The following EPB41L5 variants were observed in gnomAD, a reference collection of about 807,000 sequenced individuals.
The protein encoded by EPB41L5 is erythrocyte membrane protein band 4.1 like 5, also known as band 4.1-like protein 5.
In EPB41L5, 55 loss-of-function variants were observed where a neutral mutation model predicts 106.6. That is an observed-to-expected ratio of 0.52 (90% confidence interval 0.42 to 0.65). The LOEUF (loss-of-function observed/expected upper bound fraction) is 0.65, where lower values mean the gene tolerates loss of function less well. EPB41L5 is among the 30% of genes least tolerant of loss of function. The probability of loss-of-function intolerance (pLI) is 0.00; values close to 1 mark genes in which losing one functional copy is unlikely to be tolerated. For synonymous variants in EPB41L5, 297 were observed against 306.7 expected (o/e 0.97, Z 0.33); for missense variants, 871 against 882.1 (o/e 0.99, Z 0.16).
At chr2:120,027,668 A>T (rs1448569386) in intron 2 of EPB41L5, among the ~76,000 whole-genome samples, 1 of 152,144 alleles carries the variant, frequency 6.6e-6, no homozygotes, top group Non-Finnish European at 1.5e-5. Flanking sequence ...TCAGCCTCCC[A>T]AGTAGCTGGG....
At chr2:120,119,252 A>T (rs1363817914) in intron 16 of EPB41L5, among the ~76,000 whole-genome samples, 1 of 152,028 alleles carries the variant, frequency 6.6e-6, no homozygotes, top group Admixed American at 6.6e-5. Flanking sequence ...ATATTGCAAA[A>T]ATCTTCTCCC....
At chr2:120,169,720 AGAT>A (rs1323233320) in intron 24 of EPB41L5, among the ~76,000 whole-genome samples, 3 of 152,210 alleles carry the variant, frequency 2.0e-5, no homozygotes, top group Admixed American at 2.0e-4. Context: ...AGTAAGCTAA[AGAT>A]GATAGCATAA....
At chr2:120,105,931 C>G (rs1025224847) in intron 16 of EPB41L5, 2 of 985,082 alleles carry the variant, frequency 2.0e-6, no homozygotes, top group Admixed American at 6.2e-5. Flanking sequence ...AGTACTGTTT[C>G]TATAGTAAAA....
chr2:120,170,976 G>T (rs1486705228), intron 24 of EPB41L5, among the ~76,000 whole-genome samples: 1 of 152,196 alleles, frequency 6.6e-6, no homozygotes, highest in African/African-American at 2.4e-5. Context: ...GTAAACTCAT[G>T]CCTTATGTGC....
intron 3 of EPB41L5, among the ~76,000 whole-genome samples, chr2:120,054,786 T>G (rs1279798508): frequency 1.3e-5 from 2 of 152,082 alleles, no homozygotes; most frequent in Admixed American, 6.6e-5. Flanking sequence ...TTGTTGGAAA[T>G]CTATTTACTA....
intron 16 of EPB41L5, chr2:120,106,947 C>T: frequency 1.1e-6 from 1 of 915,596 alleles, no homozygotes; most frequent in Middle Eastern, 5.6e-4. Context: ...TTTTGAAAAG[C>T]ACCTAGTATA....
intron 20 of EPB41L5, among the ~76,000 whole-genome samples, chr2:120,147,647 GGAAA>G (rs903133901): frequency 7.6e-6 from 1 of 132,208 alleles, no homozygotes; most frequent in African/African-American, 2.7e-5. Context: ...AAAAAAAAAA[GGAAA>G]GAAAATTCTG....
intron 3 of EPB41L5, among the ~76,000 whole-genome samples, chr2:120,055,630 T>A (rs1280575548): frequency 6.6e-6 from 1 of 151,808 alleles, no homozygotes; most frequent in African/African-American, 2.4e-5. Flanking sequence ...TTTAATTTTT[T>A]AAAACAATGT....
At chr2:120,051,330 T>G (rs985473949) in intron 3 of EPB41L5, among the ~76,000 whole-genome samples, 1 of 152,178 alleles carries the variant, frequency 6.6e-6, no homozygotes, top group Non-Finnish European at 1.5e-5. Context: ...GCAGCTTTGT[T>G]TACCTACTCA....
chr2:120,095,498 T>C (rs962566674), intron 14 of EPB41L5, among the ~76,000 whole-genome samples: 8 of 151,826 alleles, frequency 5.3e-5, no homozygotes, highest in Non-Finnish European at 8.8e-5. Context: ...CTTCTCTTTA[T>C]ACTTTTTTTT....
chr2:120,075,532 T>G lies in EPB41L5; in HGVS notation c.452+12T>G. The G allele has an allele frequency of 6.5e-7, 1 of 1,536,734 alleles. No homozygotes were observed. The highest frequency in any genetic ancestry group is 1.1e-5 in the South Asian group (1 of 88,020). ...ATTCTCAGTGGAAAGTGAGTATTAG[T>G]TATTTAAGGATAAATGCACATTTTC... On this transcript the variant is annotated intron_variant, in intron 6 of 24. Transcript: ENST00000263713.
At chr2:120,104,884 T>G (rs760842553) in intron 16 of EPB41L5, 2 of 976,958 alleles carry the variant, frequency 2.0e-6, no homozygotes, top group Non-Finnish European at 2.4e-6. Context: ...ATGGTTAGTT[T>G]TGAATGGTTA....
intron 2 of EPB41L5, among the ~76,000 whole-genome samples, chr2:120,036,942 C>T (rs1679076550): frequency 6.6e-6 from 1 of 152,048 alleles, no homozygotes; most frequent in Admixed American, 6.6e-5. Context: ...AAGGTATCTG[C>T]TGTTGCCACT....
At chr2:120,128,292 T>A (rs987104763) in intron 17 of EPB41L5, among the ~76,000 whole-genome samples, 2 of 95,000 alleles carry the variant, frequency 2.1e-5, no homozygotes, top group Admixed American at 1.0e-4. Flanking sequence ...CACACACACA[T>A]TTTTGAAGGT....
chr2:120,116,725 C>T (rs1684962810), intron 16 of EPB41L5, among the ~76,000 whole-genome samples: 1 of 151,854 alleles, frequency 6.6e-6, no homozygotes, highest in Non-Finnish European at 1.5e-5. Context: ...GATACAGTCT[C>T]CTCTGTTGCT....
chr2:120,069,073 A>ATCAC (rs916724037), intron 3 of EPB41L5, among the ~76,000 whole-genome samples: 1 of 144,896 alleles, frequency 6.9e-6, no homozygotes, highest in African/African-American at 2.6e-5. Context: ...GACTGAGGTG[A>ATCAC]GCCAAGATCA....
At chr2:120,159,061 A>G in intron 20 of EPB41L5, among the ~76,000 whole-genome samples, 1 of 152,176 alleles carries the variant, frequency 6.6e-6, no homozygotes, top group Non-Finnish European at 1.5e-5. Flanking sequence ...TACAAGGATA[A>G]CTACAAAACA....
chr2:120,112,374 A>G (rs959529189), intron 16 of EPB41L5, among the ~76,000 whole-genome samples: 2 of 152,212 alleles, frequency 1.3e-5, no homozygotes, highest in Non-Finnish European at 2.9e-5. Flanking sequence ...CAGACACTCC[A>G]TATATATTAT....
intron 3 of EPB41L5, among the ~76,000 whole-genome samples, chr2:120,062,847 C>CTTAAGA (rs3084763): frequency 0.69 from 103,919 of 151,132 alleles, 37,211 homozygotes; most frequent in Non-Finnish European, 0.79. Flanking sequence ...TATTTTGATT[C>CTTAAGA]TTAAGATATG....
Sources: gnomAD v4.1 joint callset for allele counts (sites outside exome capture counted in the v4.1 genomes callset) on GRCh38, gnomAD v4.1.1 for gene constraint, MANE v1.5 for transcripts, NCBI Gene and HGNC (gene_info 2026-07-23, HGNC 2026-07-21) for gene names.